Variants in RALYL observed in about 807,000 individuals in gnomAD.
RALYL encodes the protein RALY RNA binding protein like, also known as RNA-binding Raly-like protein.
Under a neutral mutation model 35.1 loss-of-function variants are expected in RALYL, and 29 were observed. That is an observed-to-expected ratio of 0.83 (90% CI 0.61 to 1.13). The LOEUF (loss-of-function observed/expected upper bound fraction) is 1.13, where lower values mean the gene tolerates loss of function less well. Ranked by LOEUF, RALYL falls within the 50% of genes most tolerant of loss-of-function variation. The pLI, the probability that RALYL is intolerant of heterozygous loss-of-function variation, is 0.00. For synonymous variants in RALYL, 120 were observed against 127.6 expected, an observed-to-expected ratio of 0.94 and a Z score of 0.40; for missense variants, 359 against 360.4, an observed-to-expected ratio of 1.00 and a Z score of 0.03.
rs577881342 is a variant in RALYL at position 84,920,870 on chromosome 8, T to A, written c.859-24T>A. The A allele has an allele frequency of 1.1e-4, 130 of 1,227,136 alleles. 2 individuals carry two copies. Among genetic ancestry groups the A allele is most frequent in the South Asian group, 8.7e-4 (55 of 63,414 alleles). The allele number at this position is 1,227,136 out of a possible 1,614,324, so 76.0% of individuals were successfully genotyped here. The stretch of plus-strand genomic sequence containing the variant: ...CAATAAAACACAAATCTCTGTATTT[T>A]AAAATTTTTTTTTATTTTCTCAGTT... On this transcript the variant is annotated intron_variant, in intron 8 of 8. Transcript: ENST00000521268.
intron 6 of RALYL, among the ~76,000 whole-genome samples, chr8:84,868,684 C>T (rs1299307869): frequency 1.3e-5 from 2 of 152,112 alleles, no homozygotes; most frequent in Non-Finnish European, 2.9e-5. Context: ...ATAAAATCCA[C>T]TCATTCTCCA....
intron 1 of RALYL, among the ~76,000 whole-genome samples, chr8:84,365,306 C>T (rs1853996245): frequency 6.6e-6 from 1 of 152,076 alleles, no homozygotes; most frequent in Non-Finnish European, 1.5e-5. Flanking sequence ...TATATTCACC[C>T]AGTATCTTTC....
At chr8:84,568,650 AG>A (rs2135732774) in intron 2 of RALYL, among the ~76,000 whole-genome samples, 1 of 136,920 alleles carries the variant, frequency 7.3e-6, no homozygotes, top group South Asian at 2.8e-4. Flanking sequence ...TGGTTGAACT[AG>A]TTTACAGTCC....
intron 1 of RALYL, among the ~76,000 whole-genome samples, chr8:84,224,798 A>T (rs1823433332): frequency 6.6e-6 from 1 of 152,002 alleles, no homozygotes; most frequent in South Asian, 2.1e-4. Context: ...CTGGGACTAC[A>T]GGCGTGTGCC....
intron 1 of RALYL, among the ~76,000 whole-genome samples, chr8:84,398,265 C>G (rs2042540206): frequency 6.6e-6 from 1 of 152,036 alleles, no homozygotes; most frequent in African/African-American, 2.4e-5. Flanking sequence ...CCATCCACTT[C>G]TCAGTTAACA....
chr8:84,185,004 T>A, intron 1 of RALYL: 3 of 1,613,918 alleles, frequency 1.9e-6, no homozygotes, highest in Non-Finnish European at 2.5e-6. Flanking sequence ...TCGCAATGAG[T>A]AAACGACGCA....
chr8:84,834,533 G>A (rs1274287363), intron 4 of RALYL, among the ~76,000 whole-genome samples: 3 of 152,154 alleles, frequency 2.0e-5, no homozygotes, highest in African/African-American at 7.2e-5. Context: ...AAGAAGAAAA[G>A]CACCTGGAAA....
intron 1 of RALYL, among the ~76,000 whole-genome samples, chr8:84,223,148 CTTTCCTTT>C (rs1822788082): frequency 8.0e-6 from 1 of 125,222 alleles, no homozygotes; most frequent in South Asian, 2.6e-4. Flanking sequence ...CTTTCCTTTC[CTTTCCTTT>C]CTTTCCTTCC....
At chr8:84,748,211 G>A (rs1809120909) in intron 2 of RALYL, among the ~76,000 whole-genome samples, 2 of 152,094 alleles carry the variant, frequency 1.3e-5, no homozygotes, top group South Asian at 4.1e-4. Flanking sequence ...TGATTCAACA[G>A]AGAGTATATG....
intron 3 of RALYL, among the ~76,000 whole-genome samples, chr8:84,788,321 G>A (rs182657004): frequency 1.8e-4 from 28 of 152,252 alleles, no homozygotes; most frequent in African/African-American, 5.3e-4. Flanking sequence ...ACAAGCCATC[G>A]GGAAAGGATT....
intron 1 of RALYL, among the ~76,000 whole-genome samples, chr8:84,270,574 G>GTGTC (rs1247556620): frequency 6.6e-6 from 1 of 151,804 alleles, no homozygotes; most frequent in East Asian, 1.9e-4. Context: ...GTGTGTGTGT[G>GTGTC]TGTGTGTGTA....
chr8:84,674,353 G>C (rs1056477850), intron 2 of RALYL, among the ~76,000 whole-genome samples: 1 of 152,064 alleles, frequency 6.6e-6, no homozygotes, highest in Non-Finnish European at 1.5e-5. Context: ...CTTTGTATTT[G>C]AATGCCTTTA....
intron 8 of RALYL, among the ~76,000 whole-genome samples, chr8:84,906,045 C>A (rs1587127184): frequency 6.6e-6 from 1 of 152,106 alleles, no homozygotes; most frequent in East Asian, 1.9e-4. Flanking sequence ...ACATATTACA[C>A]AAGCCAATTC....
intron 1 of RALYL, among the ~76,000 whole-genome samples, chr8:84,407,727 T>C (rs974698973): frequency 6.6e-6 from 1 of 152,130 alleles, no homozygotes; most frequent in South Asian, 2.1e-4. Context: ...GCTTTTAAAA[T>C]TGGTTCAGTT....
chr8:84,649,206 T>C (rs1828153071), intron 2 of RALYL, among the ~76,000 whole-genome samples: 1 of 151,938 alleles, frequency 6.6e-6, no homozygotes, highest in Non-Finnish European at 1.5e-5. Context: ...AAAATTTATT[T>C]AAATCTTCTC....
intron 1 of RALYL, among the ~76,000 whole-genome samples, chr8:84,386,661 A>G (rs1049685757): frequency 1.3e-5 from 2 of 151,822 alleles, no homozygotes; most frequent in Non-Finnish European, 2.9e-5. Context: ...CCCAAGTGCT[A>G]TATATTGGTT....
At chr8:84,312,606 G>C (rs1843017416) in intron 1 of RALYL, among the ~76,000 whole-genome samples, 1 of 152,206 alleles carries the variant, frequency 6.6e-6, no homozygotes, top group Admixed American at 6.5e-5. Flanking sequence ...AACATGGTGG[G>C]GGCAGTCATT....
intron 1 of RALYL, among the ~76,000 whole-genome samples, chr8:84,486,573 G>C (rs771153507): frequency 6.6e-6 from 1 of 151,568 alleles, no homozygotes. Flanking sequence ...ACTTTTTATT[G>C]GTTTTAATTT....
At chr8:84,900,937 G>T (rs1845576422) in intron 8 of RALYL, among the ~76,000 whole-genome samples, 1 of 152,162 alleles carries the variant, frequency 6.6e-6, no homozygotes. Context: ...AAGCACTGGG[G>T]TAACTAGTGG....
Sources: allele counts gnomAD v4.1 joint callset (sites outside exome capture counted in the v4.1 genomes callset), GRCh38; gene constraint gnomAD v4.1.1; transcripts MANE v1.5; gene names NCBI Gene and HGNC (gene_info 2026-07-23, HGNC 2026-07-21).